The following CFAP44 variants were observed in gnomAD, a reference collection of about 807,000 sequenced individuals.
CFAP44 encodes cilia- and flagella-associated protein 44.
CFAP44 carries 134 observed loss-of-function variants against 216.2 expected under a neutral mutation model. That is an observed-to-expected ratio of 0.62 (90% confidence interval 0.54 to 0.72). The LOEUF (loss-of-function observed/expected upper bound fraction) is 0.72. Ranked by LOEUF, CFAP44 falls within the 30% of genes least tolerant of loss-of-function variation. The probability of loss-of-function intolerance (pLI) is 0.00; values close to 1 mark genes in which losing one functional copy is unlikely to be tolerated. For synonymous variants in CFAP44, 700 were observed against 727.6 expected (o/e 0.96, Z 0.61); for missense variants, 2,035 against 2,182.1 (o/e 0.93, Z 1.34).
intron 6 of CFAP44, among the ~76,000 whole-genome samples, chr3:113,414,073 A>G (rs1396606874): frequency 1.3e-5 from 2 of 152,188 alleles, no homozygotes; most frequent in African/African-American, 4.8e-5. Flanking sequence ...GAGGTCCTTC[A>G]CATCCCTTGT....
chr3:113,339,179 C>A (rs9811168), intron 24 of CFAP44, among the ~76,000 whole-genome samples: 5,694 of 152,184 alleles, frequency 0.037, 137 homozygotes, highest in African/African-American at 0.073. Flanking sequence ...TCCTGTAAAT[C>A]ATAATTTGGC....
At chr3:113,311,958 G>A (rs1263727014) in intron 28 of CFAP44, among the ~76,000 whole-genome samples, 1 of 152,110 alleles carries the variant, frequency 6.6e-6, no homozygotes, top group Non-Finnish European at 1.5e-5. Flanking sequence ...CTTTGAACTT[G>A]AGAGAGATGA....
At chr3:113,375,438 T>C (rs1933312586) in intron 17 of CFAP44, among the ~76,000 whole-genome samples, 1 of 152,052 alleles carries the variant, frequency 6.6e-6, no homozygotes, top group Admixed American at 6.6e-5. Context: ...GGCTAAAGCA[T>C]GGAGAAAGAC....
Position 113,403,868 on chromosome 3 carries a change from G to C in CFAP44, c.1154C>G (p.Ser385Ter). 6.2e-7 allele frequency: 1 copy of C among 1,613,730 alleles called. No individual in the cohort carries two copies. Among genetic ancestry groups the C allele is most frequent in the South Asian group, 1.1e-5 (1 of 90,984 alleles). ...AAAACTTACCCTAACATATCCATCT[G>C]ACCCAACAGTGATAACTTCACCCTC... ...LYEGEVITVG[S>*]DGYVRIWDFE... The change falls in exon 9 of 35, where the codon TCA becomes TGA. Residue 385 changes from serine to a stop codon, truncating the protein, a stop_gained. Coordinates refer to ENST00000393845, the MANE Select transcript of CFAP44 (RefSeq NM_001164496.2). LOFTEE classifies it high-confidence loss of function.
At chr3:113,348,107 A>C (rs757704633) in intron 22 of CFAP44, among the ~76,000 whole-genome samples, 4 of 151,966 alleles carry the variant, frequency 2.6e-5, no homozygotes, top group Non-Finnish European at 5.9e-5. Context: ...GGACCATTGC[A>C]GGTTCTTGGG....
At chr3:113,308,102 G>T in intron 29 of CFAP44, 56 bp downstream of exon 29, 1 of 1,359,914 alleles carries the variant, frequency 7.4e-7, no homozygotes, top group Non-Finnish European at 9.9e-7. Flanking sequence ...GGTCTTCCCA[G>T]TATTGCCAAT....
In CFAP44 at chr3:113,291,550, A is replaced by G; in HGVS notation, c.*7T>C. The G allele has an allele frequency of 6.5e-6, 10 of 1,533,902 alleles. No individual in the cohort carries two copies. Among genetic ancestry groups the G allele is most frequent in the Non-Finnish European group, 7.9e-6 (9 of 1,144,122 alleles). ...AAATCTTGTATGGGTTTGAGAAAAT[A>G]GCAAACTCAAAGGTCTGCGGGCTGT... On this transcript the variant is annotated 3_prime_UTR_variant, in exon 35 of 35. Transcript: ENST00000393845.
chr3:113,390,629 T>C (rs1382982877), intron 15 of CFAP44, among the ~76,000 whole-genome samples: 2 of 152,198 alleles, frequency 1.3e-5, no homozygotes, highest in East Asian at 3.9e-4. Flanking sequence ...TTAGAACTGG[T>C]AAACAAATTT....
intron 6 of CFAP44, among the ~76,000 whole-genome samples, chr3:113,415,049 T>A (rs1358312468): frequency 2.4e-4 from 37 of 152,202 alleles, no homozygotes; most frequent in Non-Finnish European, 1.5e-5. Context: ...AGCATGTTAT[T>A]GGTCTATTCA....
chr3:113,398,149 G>C (rs1291032609), intron 13 of CFAP44, among the ~76,000 whole-genome samples: 2 of 152,166 alleles, frequency 1.3e-5, no homozygotes, highest in Non-Finnish European at 2.9e-5. Context: ...AGTAACTATA[G>C]AGGCACTGGA....
intron 32 of CFAP44, among the ~76,000 whole-genome samples, chr3:113,301,508 T>C (rs916696572): frequency 6.6e-6 from 1 of 152,164 alleles, no homozygotes; most frequent in Non-Finnish European, 1.5e-5. Flanking sequence ...ACATATCAAA[T>C]ATTACTAAAG....
chr3:113,317,598 C>T (rs973679166), intron 28 of CFAP44, among the ~76,000 whole-genome samples: 2 of 152,208 alleles, frequency 1.3e-5, no homozygotes, highest in African/African-American at 4.8e-5. Context: ...TGGAACCTGA[C>T]CCTGACCCTG....
chr3:113,383,411 T>C (rs1465639333), intron 15 of CFAP44, among the ~76,000 whole-genome samples: 1 of 152,158 alleles, frequency 6.6e-6, no homozygotes, highest in East Asian at 1.9e-4. Context: ...AGGAAACTAA[T>C]CCCATTCACA....
Position 113,333,569 on chromosome 3 carries a change from G to T in CFAP44, c.3452C>A (p.Pro1151His). 2 of 1,531,526 alleles carry T rather than the reference G, an allele frequency of 1.3e-6. No homozygotes were observed. Among genetic ancestry groups the T allele is most frequent in the South Asian group, 1.2e-5 (1 of 82,740 alleles). 94.9% of individuals were successfully genotyped at this position (1,531,526 alleles called of 1,614,324 possible). ...TTTGGGATCTTCATAGTCATCACCA[G>T]GTTTACTCTTGTATCTATTAGAAAA... ...KEWEELYKSK[P>H]GDDYEDPKDL... Residue 1151 changes from proline to histidine, a missense_variant, in exon 25 of 35, where the codon CCT becomes CAT. Transcript: ENST00000393845.
Position 113,401,586 on chromosome 3 carries a change from G to C in CFAP44, c.1324C>G (p.Gln442Glu). 6.2e-7 allele frequency: 1 copy of C among 1,612,896 alleles called. No homozygotes were observed. Among genetic ancestry groups the C allele is most frequent in the Non-Finnish European group, 8.5e-7 (1 of 1,179,568 alleles). The change falls in exon 10 of 35, where the codon CAG (glutamine) becomes GAG (glutamate). Residue 442 changes from glutamine (Q) to glutamate (E), a missense_variant and splice_region_variant. Around this residue, in one of 3 missense-constraint regions of CFAP44, gnomAD observed 1,883 missense variants for 2,023.7 expected, o/e 0.93. Coordinates refer to ENST00000393845, the MANE Select transcript of CFAP44 (RefSeq NM_001164496.2). ...CAAGAGACAAGAATGCAACACACCT[G>C]AGCCAACCAAAAGTTATTTCCAGTT... The part of the protein sequence containing the change: ...NETGNNFWLA[Q>E]DANGAIWKLD...
At chr3:113,295,348 G>A (rs1949870433) in intron 33 of CFAP44, among the ~76,000 whole-genome samples, 1 of 152,216 alleles carries the variant, frequency 6.6e-6, no homozygotes, top group African/African-American at 2.4e-5. Context: ...CTACTGGTGT[G>A]CAACACCACA....
intron 28 of CFAP44, among the ~76,000 whole-genome samples, chr3:113,324,684 C>T (rs1475030534): frequency 1.3e-5 from 2 of 152,112 alleles, no homozygotes; most frequent in Non-Finnish European, 2.9e-5. Flanking sequence ...AGAATGTCAG[C>T]TTTCAGCACT....
intron 28 of CFAP44, among the ~76,000 whole-genome samples, chr3:113,319,393 G>A (rs897017444): frequency 2.6e-5 from 4 of 151,410 alleles, no homozygotes; most frequent in Non-Finnish European, 3.0e-5. Flanking sequence ...TTAACTATCC[G>A]AAATATATAT....
intron 28 of CFAP44, among the ~76,000 whole-genome samples, chr3:113,319,095 C>T (rs2895413): frequency 0.43 from 65,080 of 151,888 alleles, 16,413 homozygotes; most frequent in Admixed American, 0.56. Context: ...CAATACTAAC[C>T]TTGAATGTAA....
Sources: allele counts gnomAD v4.1 joint callset (sites outside exome capture counted in the v4.1 genomes callset), GRCh38; gene constraint gnomAD v4.1.1; regional missense constraint gnomAD v4.1.1; transcripts MANE v1.5; gene names NCBI Gene and HGNC (gene_info 2026-07-23, HGNC 2026-07-21).